The following PSAT1 variants were observed in gnomAD, a reference collection of about 807,000 sequenced individuals.
The protein encoded by PSAT1 is phosphoserine aminotransferase 1.
A neutral mutation model predicts 40.3 loss-of-function variants in PSAT1; 41 were observed. The observed-to-expected ratio is 1.02, with a 90% CI of 0.79 to 1.32. The LOEUF is 1.32. Ranked by LOEUF, PSAT1 falls within the 40% of genes most tolerant of loss-of-function variation. PSAT1 has a pLI of 0.00. For missense variants in PSAT1, 406 were observed against 455.8 expected, an observed-to-expected ratio of 0.89 and a Z score of 0.99; for synonymous variants, 147 against 170.5, an observed-to-expected ratio of 0.86 and a Z score of 1.07.
chr9:78,305,776 G>A (rs1365785724), intron 4 of PSAT1, among the ~76,000 whole-genome samples: 4 of 152,228 alleles, frequency 2.6e-5, no homozygotes, highest in Admixed American at 2.6e-4. Context: ...GAGAGTAGGT[G>A]AGGGCTGGGG....
intron 7 of PSAT1, among the ~76,000 whole-genome samples, chr9:78,324,697 T>C (rs1211261342): frequency 6.6e-6 from 1 of 152,044 alleles, no homozygotes; most frequent in Non-Finnish European, 1.5e-5. Context: ...CCATAATCCA[T>C]GTGCCTGTGA....
chr9:78,327,851 G>A (rs1295714320), intron 7 of PSAT1, among the ~76,000 whole-genome samples, 200 bp from the exon 8 acceptor site: 1 of 152,110 alleles, frequency 6.6e-6, no homozygotes, highest in African/African-American at 2.4e-5. Flanking sequence ...ACAAGGGGAT[G>A]ATAACCCACT....
rs1055724922 is a variant in PSAT1, at chr9:78,299,233, T to G, written c.61-1369T>G. Among the ~76,000 whole-genome samples the G allele has an allele frequency of 3.9e-4, 58 of 148,046 alleles. 1 individual carries two copies. Among genetic ancestry groups the G allele is most frequent in the African/African-American group, 1.4e-3 (57 of 39,928 alleles). ...CTGGAAAAAAAAAAACCTACTGGAT[T>G]AGGGAGGTGTGATTTTTCAGTAGGA... On this transcript the variant is annotated intron_variant, in intron 1 of 8. Transcript: ENST00000376588.
intron 6 of PSAT1, among the ~76,000 whole-genome samples, chr9:78,311,610 G>T (rs1334665239): frequency 1.3e-5 from 2 of 151,994 alleles, no homozygotes; most frequent in Non-Finnish European, 2.9e-5. Flanking sequence ...GAGGCGAGTG[G>T]ATCACAAGGT....
intron 1 of PSAT1, among the ~76,000 whole-genome samples, chr9:78,300,331 G>C (rs1564011950): frequency 6.6e-6 from 1 of 152,152 alleles, no homozygotes; most frequent in African/African-American, 2.4e-5. Flanking sequence ...TTGTGAAGGG[G>C]ACATTTTCTA....
chr9:78,319,783 A>T (rs993709451), intron 7 of PSAT1, among the ~76,000 whole-genome samples: 6 of 152,178 alleles, frequency 3.9e-5, no homozygotes, highest in African/African-American at 1.4e-4. Flanking sequence ...GGTTAGAATC[A>T]TCCCCGCAAA....
rs117011055 is a variant in PSAT1, at chr9:78,322,365, T to C, written c.869+4561T>C. On this transcript the variant is annotated intron_variant, in intron 7 of 8. Coordinates refer to ENST00000376588, the MANE Select transcript of PSAT1 (RefSeq NM_058179.4). ...TCATCACAACCCTGTGAAGTAGACA[T>C]TGAGCCTATGCAGCAGAAGCACAGA... 3.0e-4 allele frequency among the ~76,000 whole-genome samples: 46 copies of C among 152,140 alleles called. No individual in the cohort carries two copies. In the East Asian group the frequency reaches 6.8e-3, roughly 22 times the overall value.
At chr9:78,325,403 A>G (rs2118705975) in intron 7 of PSAT1, among the ~76,000 whole-genome samples, 1 of 152,304 alleles carries the variant, frequency 6.6e-6, no homozygotes, top group South Asian at 2.1e-4. Flanking sequence ...TCCAGTTCCC[A>G]GCAGGGCACT....
intron 7 of PSAT1, among the ~76,000 whole-genome samples, chr9:78,326,154 A>G (rs1235749749): frequency 2.6e-5 from 4 of 152,082 alleles, no homozygotes. Context: ...GAAGCTGTGT[A>G]CTAGACTCTC....
intron 5 of PSAT1, among the ~76,000 whole-genome samples, chr9:78,307,255 G>C (rs1206823661): frequency 6.6e-6 from 1 of 152,110 alleles, no homozygotes; most frequent in African/African-American, 2.4e-5. Flanking sequence ...CTGTGAATTT[G>C]ACTACTCTAG....
chr9:78,318,101 C>T (rs1467483034), intron 7 of PSAT1, among the ~76,000 whole-genome samples: 1 of 152,156 alleles, frequency 6.6e-6, no homozygotes, highest in Non-Finnish European at 1.5e-5. Context: ...TAGGTCCCGT[C>T]TACTCCCTCC....
chr9:78,328,246 A>G (rs1291310210), intron 8 of PSAT1, 58 bp downstream of exon 8: 1 of 1,606,304 alleles, frequency 6.2e-7, no homozygotes, highest in Non-Finnish European at 8.5e-7. Flanking sequence ...TTTCAAATGC[A>G]GAATAAAACA....
rs116103106 is a variant in PSAT1, at chr9:78,329,047, C to T, written c.1074C>T (p.Ala358=). Residue 358 remains alanine, a synonymous_variant, in exon 9 of 9, where the codon GCC becomes GCT. Transcript: ENST00000376588. ...AVTIEDVQKL[A]AFMKKFLEMH... ...CAATTGAAGACGTTCAGAAGCTGGC[C>T]GCCTTCATGAAAAAATTTTTGGAGA... 319 of 1,612,732 alleles carry T rather than the reference C, an allele frequency of 2.0e-4. 2 individuals carry two copies. Among genetic ancestry groups the T allele is most frequent in the South Asian group, 7.9e-4 (72 of 91,020 alleles).
At chr9:78,327,925 T>G in intron 7 of PSAT1, 126 bp from the exon 8 acceptor site, 1 of 1,052,842 alleles carries the variant, frequency 9.5e-7, no homozygotes, top group Non-Finnish European at 1.4e-6. Context: ...AGATTTTTTG[T>G]TTTTTGTTTT....
At chr9:78,328,317 C>G in intron 8 of PSAT1, 129 bp downstream of exon 8, 2 of 1,106,600 alleles carry the variant, frequency 1.8e-6, no homozygotes, top group Non-Finnish European at 2.7e-6. Context: ...GCCAACCCAG[C>G]TGTTATAAGG....
Position 78,318,104 on chromosome 9 carries a change from C to T in PSAT1, c.869+300C>T, listed in dbSNP as rs10735532. Reference sequence around the variant, plus strand: ...CACTCCCTGGGGTAGGTCCCGTCTACTCCCTCCTTTGTATATCTTCTGGGA... The same window carrying T: ...CACTCCCTGGGGTAGGTCCCGTCTATTCCCTCCTTTGTATATCTTCTGGGA... On this transcript the variant is annotated intron_variant, in intron 7 of 8. Coordinates refer to ENST00000376588, the MANE Select transcript of PSAT1 (RefSeq NM_058179.4). Among the ~76,000 whole-genome samples, 112,464 of 151,598 alleles carry T rather than the reference C, an allele frequency of 0.74. 41,827 individuals are homozygous for T. The highest frequency in any genetic ancestry group is 0.79 in the African/African-American group (32,605 of 41,370).
At chr9:78,323,119 C>T (rs1235809829) in intron 7 of PSAT1, among the ~76,000 whole-genome samples, 1 of 152,086 alleles carries the variant, frequency 6.6e-6, no homozygotes, top group Non-Finnish European at 1.5e-5. Flanking sequence ...CAGTAGGGGT[C>T]TGATGAAAAC....
chr9:78,306,636 G>A (rs1828188746), intron 5 of PSAT1, 150 bp downstream of exon 5: 2 of 974,118 alleles, frequency 2.1e-6, no homozygotes, highest in South Asian at 2.7e-5. Flanking sequence ...GCTGCCAGGT[G>A]CGAATTCCCA....
chr9:78,297,413 G>C, intron 1 of PSAT1, 143 bp downstream of exon 1: 1 of 1,007,230 alleles, frequency 9.9e-7, no homozygotes, highest in African/African-American at 1.6e-5. Flanking sequence ...TGCACAGCGG[G>C]ATCAGCAGCT....
Sources: gnomAD v4.1 joint callset for allele counts (sites outside exome capture counted in the v4.1 genomes callset) on GRCh38, gnomAD v4.1.1 for gene constraint, MANE v1.5 for transcripts, NCBI Gene and HGNC (gene_info 2026-07-23, HGNC 2026-07-21) for gene names.